Variants in CREB5 observed in about 807,000 individuals in gnomAD.
The protein encoded by CREB5 is cAMP responsive element binding protein 5.
Under a neutral mutation model 57.1 loss-of-function variants are expected in CREB5, and 19 were observed. That is an observed-to-expected ratio of 0.33 (90% CI 0.23 to 0.49). CREB5 has a LOEUF of 0.49. Among genes scored for constraint, CREB5 ranks in the 20% least tolerant of loss-of-function variants. The pLI is 0.99. For missense variants in CREB5, 579 were observed against 671.6 expected, an observed-to-expected ratio of 0.86 and a Z score of 1.52; for synonymous variants, 238 against 238.3, an observed-to-expected ratio of 1.00 and a Z score of 0.01.
chr7:28,605,519 A>G (rs1462966464), intron 5 of CREB5, among the ~76,000 whole-genome samples: 1 of 152,180 alleles, frequency 6.6e-6, no homozygotes, highest in Non-Finnish European at 1.5e-5. Flanking sequence ...CCTTATTTCA[A>G]AAATATCTTT....
intron 3 of CREB5, among the ~76,000 whole-genome samples, chr7:28,506,489 A>G (rs922829704): frequency 2.6e-5 from 4 of 152,190 alleles, no homozygotes; most frequent in African/African-American, 9.7e-5. Flanking sequence ...GGAATAATAC[A>G]TGTACACAGT....
At chr7:28,701,661 T>G (rs1297447902) in intron 5 of CREB5, among the ~76,000 whole-genome samples, 1 of 152,214 alleles carries the variant, frequency 6.6e-6, no homozygotes, top group African/African-American at 2.4e-5. Context: ...GAAGGACACC[T>G]TCCATTCCAG....
chr7:28,764,114 T>C (rs1008555988), intron 7 of CREB5, among the ~76,000 whole-genome samples: 1 of 152,130 alleles, frequency 6.6e-6, no homozygotes, highest in African/African-American at 2.4e-5. Context: ...AAGGATATTA[T>C]ATATTGTCAG....
At chr7:28,307,098 G>T (rs549671995) in intron 1 of CREB5, among the ~76,000 whole-genome samples, 5 of 152,252 alleles carry the variant, frequency 3.3e-5, no homozygotes, top group Admixed American at 2.0e-4. Flanking sequence ...ACTCTCAGCC[G>T]ATAAAGAGAT....
At chr7:28,744,340 CTTTTTT>C (rs753167682) in intron 7 of CREB5, among the ~76,000 whole-genome samples, 1 of 88,824 alleles carries the variant, frequency 1.1e-5, no homozygotes, top group African/African-American at 4.5e-5. Flanking sequence ...TTTAGTACCT[CTTTTTT>C]TTTTTTTTTT....
At chr7:28,619,563 A>G (rs1341964250) in intron 5 of CREB5, among the ~76,000 whole-genome samples, 1 of 152,218 alleles carries the variant, frequency 6.6e-6, no homozygotes, top group Non-Finnish European at 1.5e-5. Flanking sequence ...TGAGCTAGGC[A>G]TGGTGGCTCA....
At chr7:28,545,416 T>C (rs1021417124) in intron 4 of CREB5, among the ~76,000 whole-genome samples, 4 of 152,230 alleles carry the variant, frequency 2.6e-5, no homozygotes, top group African/African-American at 4.8e-5. Flanking sequence ...TTATCCTTTC[T>C]AAGCAAAGCT....
intron 1 of CREB5, among the ~76,000 whole-genome samples, chr7:28,430,445 T>G (rs1356289678): frequency 6.6e-6 from 1 of 152,206 alleles, no homozygotes; most frequent in African/African-American, 2.4e-5. Context: ...TAAGGCCTAC[T>G]TCACAGCCTC....
rs144064877 is a variant in CREB5, at chr7:28,499,773, G to T, written c.169+4774G>T. ...TAATTTTGCATTTTTAGTAGAAATG[G>T]GGTTTCTTGATGTATGTCAGGCTGG... On this transcript the variant is annotated intron_variant, in intron 3 of 10. Transcript: ENST00000357727. 4.0e-3 allele frequency among the ~76,000 whole-genome samples: 614 copies of T among 152,258 alleles called. 5 individuals carry two copies. Among genetic ancestry groups the T allele is most frequent in the African/African-American group, 0.014 (592 of 41,542 alleles).
chr7:28,513,713 A>C (rs1350543170), intron 4 of CREB5: 1 of 152,234 alleles, frequency 6.6e-6, no homozygotes. Flanking sequence ...CAGGGGAATG[A>C]CTAAACCAGT....
chr7:28,639,361 A>AT (rs11389569), intron 5 of CREB5, among the ~76,000 whole-genome samples: 64,333 of 151,934 alleles, frequency 0.42, 14,328 homozygotes, highest in African/African-American at 0.57. Context: ...TAGAAAAGGG[A>AT]TTAGGCATTT....
chr7:28,308,761 T>A (rs909638577), intron 1 of CREB5, among the ~76,000 whole-genome samples: 1 of 152,188 alleles, frequency 6.6e-6, no homozygotes, highest in Non-Finnish European at 1.5e-5. Flanking sequence ...TTCATCCAGG[T>A]ATAAGACCTT....
chr7:28,336,230 C>G (rs1300436059), intron 1 of CREB5, among the ~76,000 whole-genome samples: 1 of 151,924 alleles, frequency 6.6e-6, no homozygotes, highest in Non-Finnish European at 1.5e-5. Context: ...TGAAAGTATT[C>G]TCTCCTCCTC....
chr7:28,349,880 G>T (rs995442103), intron 1 of CREB5, among the ~76,000 whole-genome samples: 1 of 152,178 alleles, frequency 6.6e-6, no homozygotes, highest in East Asian at 1.9e-4. Context: ...TGTGAGTTTT[G>T]CTTCCTGTGT....
At chr7:28,684,420 G>T (rs147004014) in intron 5 of CREB5, among the ~76,000 whole-genome samples, 1 of 152,354 alleles carries the variant, frequency 6.6e-6, no homozygotes, top group East Asian at 1.9e-4. Flanking sequence ...GCTTGCTGGA[G>T]AAAGCACTTC....
intron 1 of CREB5, among the ~76,000 whole-genome samples, chr7:28,387,419 GT>G (rs1206451264): frequency 4.0e-5 from 6 of 151,884 alleles, no homozygotes; most frequent in Admixed American, 1.3e-4. Context: ...TTTTAATGGG[GT>G]TGTTTGTTTT....
At chr7:28,723,415 T>G (rs1346886760) in intron 6 of CREB5, among the ~76,000 whole-genome samples, 1 of 152,260 alleles carries the variant, frequency 6.6e-6, no homozygotes, top group Non-Finnish European at 1.5e-5. Context: ...ATTTGAACGA[T>G]GTTCATTTTA....
intron 9 of CREB5, among the ~76,000 whole-genome samples, chr7:28,812,230 A>T (rs1202432549): frequency 6.6e-6 from 1 of 152,228 alleles, no homozygotes; most frequent in Non-Finnish European, 1.5e-5. Flanking sequence ...GCTTTAAATC[A>T]GTTTTAACTA....
chr7:28,659,046 G>T (rs1196083223), intron 5 of CREB5, among the ~76,000 whole-genome samples: 1 of 147,704 alleles, frequency 6.8e-6, no homozygotes, highest in Non-Finnish European at 1.5e-5. Flanking sequence ...AAATGAGAAT[G>T]AATACTTTAT....
Sources: gnomAD v4.1 joint callset for allele counts (sites outside exome capture counted in the v4.1 genomes callset) on GRCh38, gnomAD v4.1.1 for gene constraint, MANE v1.5 for transcripts, NCBI Gene and HGNC (gene_info 2026-07-23, HGNC 2026-07-21) for gene names.